KLF12: variants seen among roughly 807,000 people sequenced by gnomAD.
KLF12 encodes the protein KLF transcription factor 12.
A neutral mutation model predicts 37.8 loss-of-function variants in KLF12; 9 were observed. The ratio of observed to expected loss-of-function variants is 0.24; its 90% CI spans 0.14 to 0.42. The LOEUF (loss-of-function observed/expected upper bound fraction) is 0.42. Ranked by LOEUF, KLF12 falls within the 10% of genes least tolerant of loss-of-function variation. The pLI is 1.00. For synonymous variants in KLF12, 208 were observed against 202.1 expected, an observed-to-expected ratio of 1.03 and a Z score of -0.25; for missense variants, 411 against 516.0, an observed-to-expected ratio of 0.80 and a Z score of 1.97.
intron 2 of KLF12, among the ~76,000 whole-genome samples, chr13:73,944,994 G>A (rs1454834522): frequency 6.6e-6 from 1 of 152,088 alleles, no homozygotes; most frequent in Admixed American, 6.6e-5. Flanking sequence ...TGAGATTTTA[G>A]AATGGTTATT....
intron 1 of KLF12, among the ~76,000 whole-genome samples, chr13:74,111,835 G>T (rs7335428): frequency 0.027 from 4,061 of 152,186 alleles, 174 homozygotes; most frequent in African/African-American, 0.091. Flanking sequence ...ACCTGTGAAA[G>T]ATATGTTTTT....
intron 1 of KLF12, among the ~76,000 whole-genome samples, chr13:74,006,821 C>T (rs989833546): frequency 6.6e-6 from 1 of 152,120 alleles, no homozygotes; most frequent in Non-Finnish European, 1.5e-5. Flanking sequence ...TTTCCTTTGC[C>T]ACCTCATCTC....
At chr13:74,008,522 C>T (rs954774513) in intron 1 of KLF12, among the ~76,000 whole-genome samples, 2 of 152,152 alleles carry the variant, frequency 1.3e-5, no homozygotes, top group Non-Finnish European at 2.9e-5. Flanking sequence ...TTATTTGATT[C>T]GCTAATGAAG....
intron 5 of KLF12, among the ~76,000 whole-genome samples, chr13:73,776,334 CT>C (rs1686069659): frequency 6.6e-6 from 1 of 152,162 alleles, no homozygotes; most frequent in Non-Finnish European, 1.5e-5. Flanking sequence ...GCTTGGAGAA[CT>C]TCAAGGCAAA....
chr13:73,832,457 A>C (rs1884211962), intron 4 of KLF12, among the ~76,000 whole-genome samples: 1 of 152,148 alleles, frequency 6.6e-6, no homozygotes, highest in Non-Finnish European at 1.5e-5. Context: ...CACAGCATTC[A>C]CGTCTGACAA....
intron 1 of KLF12, among the ~76,000 whole-genome samples, chr13:74,110,170 C>T (rs1876893474): frequency 6.6e-6 from 1 of 152,130 alleles, no homozygotes; most frequent in South Asian, 2.1e-4. Context: ...TTTCTGTACG[C>T]TAAATTGGCC....
At chr13:73,891,560 G>T (rs945808103) in intron 3 of KLF12, among the ~76,000 whole-genome samples, 12 of 152,058 alleles carry the variant, frequency 7.9e-5, no homozygotes, top group Non-Finnish European at 1.8e-4. Context: ...AACAAGTTCT[G>T]GACAAGCACA....
the KLF12 span, among the ~76,000 whole-genome samples, chr13:74,148,375 G>A: frequency 7.6e-6 from 1 of 131,600 alleles, no homozygotes; most frequent in South Asian, 2.5e-4. Flanking sequence ...TCTGTTCTTT[G>A]TCACAATGAA....
intron 5 of KLF12, among the ~76,000 whole-genome samples, chr13:73,806,649 C>CAAAAAAAAAAAAAAAA (rs11482328): frequency 9.2e-6 from 1 of 108,318 alleles, no homozygotes. Flanking sequence ...AAAAAACAAA[C>CAAAAAAAAAAAAAAAA]AAAAAAAAAA....
intron 4 of KLF12, 93 bp from the exon 5 acceptor site, chr13:73,813,380 T>A (rs1883046650): frequency 7.3e-7 from 1 of 1,367,176 alleles, no homozygotes; most frequent in Non-Finnish European, 1.0e-6. Context: ...CTTCTGTGCA[T>A]ATCATGCAAA....
the KLF12 span, among the ~76,000 whole-genome samples, chr13:74,277,110 A>G: frequency 3.1e-3 from 466 of 152,182 alleles, 3 homozygotes; most frequent in African/African-American, 0.01. Context: ...ATCTCATTCA[A>G]TCTCATTCTG....
intron 1 of KLF12, among the ~76,000 whole-genome samples, chr13:74,060,321 G>C (rs1406245253): frequency 6.6e-6 from 1 of 151,912 alleles, no homozygotes; most frequent in African/African-American, 2.4e-5. Context: ...CATAGAAATT[G>C]TGTCGAATCT....
At chr13:74,294,790 C>T in the KLF12 span, among the ~76,000 whole-genome samples, 5 of 152,158 alleles carry the variant, frequency 3.3e-5, no homozygotes, top group South Asian at 2.1e-4. Flanking sequence ...TCCCCACAGG[C>T]GCTGCCTCAG....
chr13:73,748,148 CT>C (rs1878499254), intron 6 of KLF12, among the ~76,000 whole-genome samples: 1 of 152,188 alleles, frequency 6.6e-6, no homozygotes, highest in Non-Finnish European at 1.5e-5. Context: ...CCAGGCACAC[CT>C]GGGAGCAAAT....
intron 6 of KLF12, among the ~76,000 whole-genome samples, chr13:73,746,297 G>A (rs1878366472): frequency 6.6e-6 from 1 of 152,130 alleles, no homozygotes; most frequent in African/African-American, 2.4e-5. Flanking sequence ...CTAACTCCCA[G>A]GGCCAACATA....
intron 1 of KLF12, among the ~76,000 whole-genome samples, chr13:74,026,631 T>C (rs1283228013): frequency 6.6e-6 from 1 of 152,204 alleles, no homozygotes; most frequent in Non-Finnish European, 1.5e-5. Context: ...GTTACATGTA[T>C]TTTACTATAA....
the KLF12 span, among the ~76,000 whole-genome samples, chr13:74,299,198 G>A: frequency 5.8e-4 from 89 of 152,314 alleles, no homozygotes; most frequent in African/African-American, 1.9e-3. Flanking sequence ...TTGAGTGAAT[G>A]AGAAAGAGCG....
chr13:74,149,410 C>A, the KLF12 span, among the ~76,000 whole-genome samples: 1 of 152,150 alleles, frequency 6.6e-6, no homozygotes, highest in South Asian at 2.1e-4. Flanking sequence ...TTCTTTTCAT[C>A]CACTGTTAGC....
intron 6 of KLF12, among the ~76,000 whole-genome samples, chr13:73,740,829 C>A (rs140202131): frequency 6.6e-6 from 1 of 152,252 alleles, no homozygotes; most frequent in East Asian, 1.9e-4. Context: ...GCCTCTGTAG[C>A]ATGTCAGTGT....
Sources: gnomAD v4.1 joint callset for allele counts (sites outside exome capture counted in the v4.1 genomes callset) on GRCh38, gnomAD v4.1.1 for gene constraint, MANE v1.5 for transcripts, NCBI Gene and HGNC (gene_info 2026-07-23, HGNC 2026-07-21) for gene names.